Variants in PKHD1 observed in about 807,000 individuals in gnomAD.
PKHD1 encodes PKHD1 ciliary IPT domain containing fibrocystin/polyductin, also known as fibrocystin.
PKHD1 carries 291 observed loss-of-function variants against 412.0 expected under a neutral mutation model. The ratio of observed to expected loss-of-function variants is 0.71; its 90% CI spans 0.64 to 0.78. The LOEUF is 0.78. Among genes scored for constraint, PKHD1 ranks in the 30% least tolerant of loss-of-function variants. The pLI, the probability that PKHD1 is intolerant of heterozygous loss-of-function variation, is 0.00. For synonymous variants in PKHD1, 1,777 were observed against 1,821.5 expected, an observed-to-expected ratio of 0.98 and a Z score of 0.62; for missense variants, 4,825 against 4,950.7, an observed-to-expected ratio of 0.97 and a Z score of 0.76.
At chr6:51,722,393 C>T (rs764430718) in intron 60 of PKHD1, among the ~76,000 whole-genome samples, 7 of 152,130 alleles carry the variant, frequency 4.6e-5, no homozygotes, top group Non-Finnish European at 1.0e-4. Flanking sequence ...AAAGTTTGCA[C>T]ATTAAGAAAA....
intron 37 of PKHD1, 65 bp from the exon 38 acceptor site, chr6:51,912,641 A>T: frequency 9.2e-7 from 1 of 1,090,606 alleles, no homozygotes; most frequent in Non-Finnish European, 1.4e-6. Flanking sequence ...GATTAATTTA[A>T]TCATTAATAA....
At chr6:51,651,130 C>T (rs1770891817) in intron 61 of PKHD1, among the ~76,000 whole-genome samples, 1 of 152,054 alleles carries the variant, frequency 6.6e-6, no homozygotes, top group Non-Finnish European at 1.5e-5. Flanking sequence ...CCTGAACACC[C>T]GCTAAAAGGT....
intron 60 of PKHD1, chr6:51,682,256 C>T (rs1299788301): frequency 4.4e-6 from 2 of 454,390 alleles, no homozygotes; most frequent in Admixed American, 4.7e-5. Flanking sequence ...AGGATGAAAA[C>T]AGAAACATAA....
At chr6:51,772,423 T>A (rs1022597661) in intron 55 of PKHD1, among the ~76,000 whole-genome samples, 16 of 151,976 alleles carry the variant, frequency 1.1e-4, no homozygotes, top group African/African-American at 3.6e-4. Context: ...ATGGAATTCA[T>A]ATATTTTAAG....
At chr6:51,738,886 C>G (rs912585714) in intron 60 of PKHD1, among the ~76,000 whole-genome samples, 1 of 152,002 alleles carries the variant, frequency 6.6e-6, no homozygotes, top group African/African-American at 2.4e-5. Flanking sequence ...ATTTGAAATG[C>G]AACTATTTCA....
At chr6:51,977,759 T>C (rs1794645628) in intron 35 of PKHD1, among the ~76,000 whole-genome samples, 1 of 152,186 alleles carries the variant, frequency 6.6e-6, no homozygotes, top group Admixed American at 6.5e-5. Context: ...TAGTATTTGA[T>C]TCCCACCTGG....
At chr6:52,064,835 C>T (rs943090238) in intron 13 of PKHD1, 120 bp downstream of exon 13, 1 of 431,594 alleles carries the variant, frequency 2.3e-6, no homozygotes, top group South Asian at 2.8e-5. Context: ...GGACCCAGGG[C>T]TCACTGAGTA....
At chr6:51,847,260 ATTTTTTTT>A (rs981973021) in intron 50 of PKHD1, among the ~76,000 whole-genome samples, 1 of 99,994 alleles carries the variant, frequency 1.0e-5, no homozygotes, top group South Asian at 3.1e-4. Flanking sequence ...CATGCCCAGC[ATTTTTTTT>A]TTTTTTTTTT....
At chr6:51,952,290 C>T (rs1444924184) in intron 36 of PKHD1, among the ~76,000 whole-genome samples, 2 of 152,176 alleles carry the variant, frequency 1.3e-5, no homozygotes, top group Admixed American at 1.3e-4. Flanking sequence ...AAATTGGTCA[C>T]TGTCTGGACT....
At chr6:51,644,833 T>C (rs1193776838) in intron 63 of PKHD1, among the ~76,000 whole-genome samples, 1 of 152,106 alleles carries the variant, frequency 6.6e-6, no homozygotes, top group Non-Finnish European at 1.5e-5. Flanking sequence ...GTGCATGCCA[T>C]CATGTCTACC....
At chr6:51,795,457 A>C (rs1440609473) in intron 52 of PKHD1, among the ~76,000 whole-genome samples, 4 of 152,164 alleles carry the variant, frequency 2.6e-5, no homozygotes, top group African/African-American at 4.8e-5. Context: ...AAGCTATAGG[A>C]TCATTTCATC....
intron 43 of PKHD1, among the ~76,000 whole-genome samples, chr6:51,896,392 C>CA (rs1285550446): frequency 2.0e-5 from 3 of 152,066 alleles, no homozygotes; most frequent in African/African-American, 7.2e-5. Context: ...AGGCACCCCC[C>CA]AACAGGGGCA....
At chr6:51,944,040 A>C (rs1167412640) in intron 36 of PKHD1, among the ~76,000 whole-genome samples, 1 of 151,910 alleles carries the variant, frequency 6.6e-6, no homozygotes, top group East Asian at 1.9e-4. Flanking sequence ...GCACGTATAC[A>C]TCCAGATGGC....
At chr6:51,753,767 G>T (rs1203990650) in intron 56 of PKHD1, among the ~76,000 whole-genome samples, 1 of 152,134 alleles carries the variant, frequency 6.6e-6, no homozygotes, top group African/African-American at 2.4e-5. Context: ...ATCAACTGAG[G>T]CAGTGACAGA....
chr6:51,787,404 C>T (rs908191091), intron 53 of PKHD1, among the ~76,000 whole-genome samples: 1 of 149,936 alleles, frequency 6.7e-6, no homozygotes, highest in African/African-American at 2.4e-5. Flanking sequence ...TATAATTCCA[C>T]AATGTTGGGA....
chr6:51,990,308 C>T (rs1796898584), intron 35 of PKHD1, among the ~76,000 whole-genome samples: 2 of 152,132 alleles, frequency 1.3e-5, no homozygotes, highest in African/African-American at 4.8e-5. Context: ...GTGGTTACTG[C>T]AGTGGCCATC....
At chr6:51,676,700 C>T (rs1179146320) in intron 60 of PKHD1, among the ~76,000 whole-genome samples, 1 of 152,144 alleles carries the variant, frequency 6.6e-6, no homozygotes, top group Non-Finnish European at 1.5e-5. Flanking sequence ...GTCACAGGCC[C>T]TCAGGCTATG....
At chr6:51,637,608 A>T (rs1768750026) in intron 64 of PKHD1, among the ~76,000 whole-genome samples, 1 of 151,880 alleles carries the variant, frequency 6.6e-6, no homozygotes, top group African/African-American at 2.4e-5. Flanking sequence ...TTTTTGTTAA[A>T]AAAAAAAAAA....
At chr6:51,813,011 G>C (rs1228198132) in intron 52 of PKHD1, among the ~76,000 whole-genome samples, 2 of 152,104 alleles carry the variant, frequency 1.3e-5, no homozygotes, top group African/African-American at 4.8e-5. Flanking sequence ...ACTTCAAGTT[G>C]TCCTACCTTT....
Sources: gnomAD v4.1 joint callset for allele counts (sites outside exome capture counted in the v4.1 genomes callset) on GRCh38, gnomAD v4.1.1 for gene constraint, MANE v1.5 for transcripts, NCBI Gene and HGNC (gene_info 2026-07-23, HGNC 2026-07-21) for gene names.